The following KIF27 variants were observed in gnomAD, a reference collection of about 807,000 sequenced individuals.
The protein encoded by KIF27 is kinesin family member 27.
Under a neutral mutation model 141.8 loss-of-function variants are expected in KIF27, and 84 were observed. That is an observed-to-expected ratio of 0.59 (90% CI 0.50 to 0.71). KIF27 has a LOEUF of 0.71. KIF27 is among the 30% of genes least tolerant of loss of function. KIF27 has a pLI of 0.00. For synonymous variants in KIF27, 471 were observed against 569.5 expected (o/e 0.83, Z 2.46); for missense variants, 1,306 against 1,628.4 (o/e 0.80, Z 3.41).
At chr9:83,851,059 A>G (rs1356054567) in intron 15 of KIF27, among the ~76,000 whole-genome samples, 2 of 150,740 alleles carry the variant, frequency 1.3e-5, no homozygotes, top group African/African-American at 2.4e-5. Flanking sequence ...GATGGTCTCA[A>G]TCTCCTGACC....
At chr9:83,862,954 A>C (rs1950062736) in intron 13 of KIF27, among the ~76,000 whole-genome samples, 1 of 152,114 alleles carries the variant, frequency 6.6e-6, no homozygotes, top group Non-Finnish European at 1.5e-5. Context: ...ATGGGAGTTC[A>C]CTCATGATTG....
At chr9:83,854,248 T>C (rs562061506) in intron 14 of KIF27, among the ~76,000 whole-genome samples, 1 of 152,310 alleles carries the variant, frequency 6.6e-6, no homozygotes, top group East Asian at 1.9e-4. Context: ...AAAGTGCATA[T>C]TGTGTGTCAA....
intron 16 of KIF27, among the ~76,000 whole-genome samples, chr9:83,846,892 G>A (rs1947351590): frequency 6.6e-6 from 1 of 152,174 alleles, no homozygotes; most frequent in Non-Finnish European, 1.5e-5. Context: ...GGCTACGAAG[G>A]GAGTTACAGT....
intron 13 of KIF27, among the ~76,000 whole-genome samples, chr9:83,866,459 C>T (rs377382160): frequency 4.6e-4 from 70 of 151,896 alleles, no homozygotes; most frequent in African/African-American, 1.5e-3. Flanking sequence ...TCCATCTTTT[C>T]TTTTTTTGTA....
At chr9:83,860,342 T>G (rs1019946002) in intron 13 of KIF27, among the ~76,000 whole-genome samples, 1 of 152,222 alleles carries the variant, frequency 6.6e-6, no homozygotes, top group Non-Finnish European at 1.5e-5. Flanking sequence ...CTGGTGTTTA[T>G]GTCCATGTTT....
chr9:83,885,235 G>A (rs1186451487), intron 9 of KIF27, among the ~76,000 whole-genome samples: 1 of 152,102 alleles, frequency 6.6e-6, no homozygotes, highest in African/African-American at 2.4e-5. Context: ...TGGGATTACA[G>A]GCACACGCCA....
At chr9:83,908,944 T>C (rs1188062969) in intron 2 of KIF27, among the ~76,000 whole-genome samples, 1 of 152,044 alleles carries the variant, frequency 6.6e-6, no homozygotes, top group African/African-American at 2.4e-5. Context: ...AAACCACAAC[T>C]ATAAAATTAA....
intron 16 of KIF27, 88 bp downstream of exon 16, chr9:83,850,011 C>G (rs1401644056): frequency 5.1e-6 from 6 of 1,181,382 alleles, no homozygotes; most frequent in South Asian, 2.7e-5. Flanking sequence ...AACATGTTGA[C>G]CTTTTAAGTG....
chr9:83,874,933 CAAA>C (rs34762926), intron 11 of KIF27, among the ~76,000 whole-genome samples: 7 of 91,416 alleles, frequency 7.7e-5, no homozygotes, highest in African/African-American at 1.2e-4. Flanking sequence ...GACCTTGTCT[CAAA>C]AAAAAAAAAA....
In KIF27 at chr9:83,915,684, C is replaced by T. The variant is rs1167968931; in HGVS notation, c.-87-6G>A. ...CTTATGTAAGATCTGGATTCCTGTG[C>T]AACAAAAATAAAAAGCAAATTTTAA... On this transcript the variant is annotated splice_region_variant and splice_polypyrimidine_tract_variant and intron_variant, in intron 1 of 17. Coordinates refer to ENST00000297814, the MANE Select transcript of KIF27 (RefSeq NM_017576.4). The T allele has an allele frequency of 7.6e-6, 10 of 1,309,924 alleles. No individual in the cohort carries two copies. Among genetic ancestry groups the T allele is most frequent in the South Asian group, 3.1e-5 (2 of 64,734 alleles). 81.1% of individuals were successfully genotyped at this position (1,309,924 alleles called of 1,614,324 possible).
rs1299191664 is a variant in KIF27 at position 83,880,423 on chromosome 9, A to G, written c.2517T>C (p.Asn839=). ...TGTGATCTACACTCTGCTCTAGCTCATTAGCACGTTTCTCATTTTGGATTG... is the reference window on the plus strand; with the variant it reads ...TGTGATCTACACTCTGCTCTAGCTCGTTAGCACGTTTCTCATTTTGGATTG... ...SLSIQNEKRA[N]ELEQSVDHMK... The change falls in exon 11 of 18, where the codon AAT becomes AAC. Residue 839 remains asparagine, a synonymous_variant. Transcript: ENST00000297814. 1 of 1,613,426 alleles carries G rather than the reference A, an allele frequency of 6.2e-7. No homozygotes were observed. The highest frequency in any genetic ancestry group is 8.5e-7 in the Non-Finnish European group (1 of 1,179,828).
At chr9:83,901,312 T>C (rs1414516130) in intron 4 of KIF27, among the ~76,000 whole-genome samples, 1 of 152,182 alleles carries the variant, frequency 6.6e-6, no homozygotes, top group Admixed American at 6.5e-5. Flanking sequence ...TAGTTTCAAA[T>C]CTCATATTTC....
At position 83,891,494 on chromosome 9, in the gene KIF27, T is replaced by A. The variant is rs1308254432; in HGVS notation, c.1610A>T (p.Lys537Ile). 19 of 1,608,694 alleles carry A rather than the reference T, an allele frequency of 1.2e-5. No individual in the cohort carries two copies. In the East Asian group the frequency reaches 4.0e-4, roughly 34 times the overall value. ...AQKVNRLQNEKIIEQQLLVDQ... is the reference protein window; with the variant it reads ...AQKVNRLQNEIIIEQQLLVDQ... ...CACAAGAAGTTGTTGTTCTATTATT[T>A]TTTCATTCTTTGTAGAAGAGAGATG... The change falls in exon 6 of 18, where the codon AAA (lysine) becomes ATA (isoleucine). Residue 537 changes from lysine (K) to isoleucine (I), a missense_variant. Lys to Ile is a moderately radical substitution (Grantham distance 102, BLOSUM62 -3). Transcript: ENST00000297814.
Position 83,847,168 on chromosome 9 carries a change from A to AG in KIF27, c.3556+2930dup, listed in dbSNP as rs1468777545. Among the ~76,000 whole-genome samples the AG allele has an allele frequency of 2.0e-5, 3 of 152,196 alleles. No individual in the cohort carries two copies. The East Asian group carries it at 5.8e-4, about 29-fold the overall frequency. On this transcript the variant is annotated intron_variant, in intron 16 of 17. Transcript: ENST00000297814. The stretch of plus-strand genomic sequence containing the variant: ...CTGCTGAGCTGCTTGCTAAAGGCAA[A>AG]GGGAATACAGAATGGGTAGCAGAAG...
Position 83,915,825 on chromosome 9 carries a change from T to C in KIF27, c.-87-147A>G, listed in dbSNP as rs546811978. ...GAGTAAGCCTGTCTTGTAAAATACA[T>C]CGTAAATTTGTAGACAAACTAGTAT... On this transcript the variant is annotated intron_variant, in intron 1 of 17. Coordinates refer to ENST00000297814, the MANE Select transcript of KIF27 (RefSeq NM_017576.4). 344 of 465,596 alleles carry C rather than the reference T, an allele frequency of 7.4e-4. 2 individuals carry two copies. In the South Asian group the frequency reaches 8.0e-3, roughly 11 times the overall value. The allele number at this position is 465,596 out of a possible 1,614,324, so 28.8% of individuals were successfully genotyped here.
intron 3 of KIF27, 92 bp from the exon 4 acceptor site, chr9:83,904,110 T>TC: frequency 1.1e-6 from 1 of 871,646 alleles, no homozygotes; most frequent in East Asian, 2.5e-5. Context: ...CTGGCCAAGA[T>TC]AGTCCCTTTT....
In KIF27 at chr9:83,921,030, G is replaced by C. The variant is rs1040820889; in HGVS notation, c.-88+341C>G. Reference sequence around the variant, plus strand: ...ACGAGACGAACACAGGGTGCGCTCTGAAAGGCCGGGTCCCGCGTTCCGGTC... The same window carrying C: ...ACGAGACGAACACAGGGTGCGCTCTCAAAGGCCGGGTCCCGCGTTCCGGTC... On this transcript the variant is annotated intron_variant, in intron 1 of 17. Transcript: ENST00000297814. 2.6e-5 allele frequency among the ~76,000 whole-genome samples: 4 copies of C among 152,286 alleles called. No homozygotes were observed. In the South Asian group the frequency reaches 8.3e-4, roughly 32 times the overall value.
intron 13 of KIF27, among the ~76,000 whole-genome samples, chr9:83,865,502 G>T (rs1329013587): frequency 2.0e-5 from 3 of 152,086 alleles, no homozygotes; most frequent in African/African-American, 7.2e-5. Context: ...TCACCATGTT[G>T]GTCAGGCTGG....
chr9:83,856,394 G>T (rs894839351), intron 14 of KIF27, among the ~76,000 whole-genome samples: 3 of 151,832 alleles, frequency 2.0e-5, no homozygotes, highest in Non-Finnish European at 4.4e-5. Flanking sequence ...ATCACTTGAG[G>T]TCAGGAGTTC....
Sources: allele counts gnomAD v4.1 joint callset (sites outside exome capture counted in the v4.1 genomes callset), GRCh38; gene constraint gnomAD v4.1.1; transcripts MANE v1.5; gene names NCBI Gene and HGNC (gene_info 2026-07-23, HGNC 2026-07-21).